Variants in TRDN observed in about 807,000 individuals in gnomAD.
The protein encoded by TRDN is triadin in skeletal muscle.
TRDN carries 161 observed loss-of-function variants against 149.7 expected under a neutral mutation model. The observed-to-expected ratio is 1.08, with a 90% CI of 0.95 to 1.23. TRDN has a LOEUF of 1.23. Among genes scored for constraint, TRDN ranks in the 50% most tolerant of loss-of-function variants. The pLI is 0.00. For missense variants in TRDN, 896 were observed against 823.5 expected (o/e 1.09, Z -1.08); for synonymous variants, 294 against 250.5 (o/e 1.17, Z -1.64).
intron 27 of TRDN, among the ~76,000 whole-genome samples, chr6:123,273,794 G>T (rs1474044425): frequency 2.0e-5 from 3 of 152,006 alleles, no homozygotes; most frequent in African/African-American, 7.2e-5. Context: ...ATCTTGCTAA[G>T]TAATCTTTTA....
chr6:123,480,249 C>CA (rs34445508), intron 9 of TRDN, among the ~76,000 whole-genome samples: 26,224 of 98,122 alleles, frequency 0.27, 3,318 homozygotes, highest in East Asian at 0.67. Context: ...ACTCCGTTTC[C>CA]AAAAAAAAAA....
Position 123,218,382 on chromosome 6 carries a change from C to T in TRDN, c.*219G>A. 2.2e-6 allele frequency: 1 copy of T among 460,788 alleles called. No individual in the cohort carries two copies. Among genetic ancestry groups the T allele is most frequent in the Non-Finnish European group, 3.8e-6 (1 of 260,560 alleles). 28.5% of individuals were successfully genotyped at this position (460,788 alleles called of 1,614,324 possible). A position where few individuals can be genotyped will look rare whatever the true frequency, so the allele number is the denominator to read the frequency against. ...TAAATACAAGCACCCCCTCCCACCG[C>T]AGCAAACACACATAACAGATTCTTG... On this transcript the variant is annotated 3_prime_UTR_variant, in exon 41 of 41. Transcript: ENST00000334268.
chr6:123,436,747 A>G (rs1366159876), intron 12 of TRDN, among the ~76,000 whole-genome samples: 3 of 152,032 alleles, frequency 2.0e-5, no homozygotes, highest in Non-Finnish European at 1.5e-5. Flanking sequence ...CTACCACCTC[A>G]TGTTCTGGGG....
intron 23 of TRDN, among the ~76,000 whole-genome samples, chr6:123,325,051 G>A (rs1779388786): frequency 1.3e-5 from 2 of 151,932 alleles, no homozygotes; most frequent in African/African-American, 2.4e-5. Context: ...CAGATTATCT[G>A]TAATCTTCCT....
rs189585681 is a variant in TRDN, at chr6:123,263,597, T to C, written c.1804+1721A>G. 7.2e-5 allele frequency among the ~76,000 whole-genome samples: 11 copies of C among 152,108 alleles called. No homozygotes were observed. In the East Asian group the frequency reaches 1.9e-3, roughly 27 times the overall value. On this transcript the variant is annotated intron_variant, in intron 33 of 40. Transcript: ENST00000334268. ...GTGAGCTATGATCCCCAAGCTGTAC[T>C]CCAGCCTGGTGACAGAGTGAGACCC...
At chr6:123,418,591 T>C (rs1773754568) in intron 12 of TRDN, 1 of 152,012 alleles carries the variant, frequency 6.6e-6, no homozygotes, top group Admixed American at 6.6e-5. Flanking sequence ...TGGAGGTAGG[T>C]GGCTACAAGA....
chr6:123,283,276 A>G (rs1368130272), intron 24 of TRDN, among the ~76,000 whole-genome samples: 1 of 151,970 alleles, frequency 6.6e-6, no homozygotes, highest in Non-Finnish European at 1.5e-5. Flanking sequence ...CAATGATAAT[A>G]GTGAAACAAG....
At chr6:123,233,480 A>G (rs1775682143) in intron 38 of TRDN, among the ~76,000 whole-genome samples, 1 of 152,118 alleles carries the variant, frequency 6.6e-6, no homozygotes, top group Admixed American at 6.6e-5. Context: ...TGTCTGTCCC[A>G]TCACTCCCAG....
At chr6:123,256,338 T>A (rs1237135651) in intron 35 of TRDN, among the ~76,000 whole-genome samples, 1 of 152,166 alleles carries the variant, frequency 6.6e-6, no homozygotes, top group East Asian at 1.9e-4. Flanking sequence ...CAGTCTATCA[T>A]TGATGGGCAT....
intron 1 of TRDN, among the ~76,000 whole-genome samples, chr6:123,572,948 G>C (rs866037565): frequency 1.7e-4 from 26 of 152,042 alleles, no homozygotes; most frequent in African/African-American, 5.8e-4. Context: ...AGTAGCTGTA[G>C]TTTCTTTTAG....
At chr6:123,543,729 C>T (rs1407005838) in intron 4 of TRDN, among the ~76,000 whole-genome samples, 1 of 151,900 alleles carries the variant, frequency 6.6e-6, no homozygotes, top group Non-Finnish European at 1.5e-5. Flanking sequence ...AATAAAGTTG[C>T]CATATCCCTT....
intron 12 of TRDN, among the ~76,000 whole-genome samples, chr6:123,415,836 G>A (rs1773626576): frequency 6.6e-6 from 1 of 152,016 alleles, no homozygotes; most frequent in African/African-American, 2.4e-5. Context: ...ATAACTACTG[G>A]GCTAAACTAA....
intron 9 of TRDN, among the ~76,000 whole-genome samples, chr6:123,494,342 A>G (rs1430288820): frequency 6.6e-6 from 1 of 151,842 alleles, no homozygotes; most frequent in Non-Finnish European, 1.5e-5. Context: ...TTCTAACCTT[A>G]CTCTGTTGTT....
intron 9 of TRDN, among the ~76,000 whole-genome samples, chr6:123,484,036 A>C (rs1777880504): frequency 1.3e-5 from 2 of 152,176 alleles, no homozygotes; most frequent in Admixed American, 1.3e-4. Flanking sequence ...AATAGTCTAT[A>C]ATCAGTACAA....
At chr6:123,288,954 T>C (rs1353992183) in intron 24 of TRDN, among the ~76,000 whole-genome samples, 1 of 151,414 alleles carries the variant, frequency 6.6e-6, no homozygotes, top group Non-Finnish European at 1.5e-5. Context: ...ATTTCAGCAT[T>C]ATTCACAGTA....
chr6:123,258,770 CTTTTG>C (rs1227204495), intron 35 of TRDN, among the ~76,000 whole-genome samples: 1 of 151,944 alleles, frequency 6.6e-6, no homozygotes, highest in Non-Finnish European at 1.5e-5. Context: ...TGGTCCTGGG[CTTTTG>C]TTTTGGTTGG....
intron 21 of TRDN, chr6:123,351,003 T>C (rs770032745): frequency 2.0e-6 from 2 of 984,418 alleles, no homozygotes; most frequent in Non-Finnish European, 2.4e-6. Context: ...GAAACAATGT[T>C]TTCAAATCAA....
intron 2 of TRDN, among the ~76,000 whole-genome samples, chr6:123,557,745 A>T (rs1158726101): frequency 6.6e-6 from 1 of 150,990 alleles, no homozygotes; most frequent in African/African-American, 2.4e-5. Context: ...GGGGGCAAGC[A>T]CCTCCAACCC....
intron 26 of TRDN, among the ~76,000 whole-genome samples, chr6:123,275,257 C>T (rs1162158813): frequency 6.6e-6 from 1 of 151,922 alleles, no homozygotes; most frequent in East Asian, 1.9e-4. Flanking sequence ...AAGATGAAGT[C>T]ATGCTAGAGA....
Sources: allele counts gnomAD v4.1 joint callset (sites outside exome capture counted in the v4.1 genomes callset), GRCh38; gene constraint gnomAD v4.1.1; transcripts MANE v1.5; gene names NCBI Gene and HGNC (gene_info 2026-07-23, HGNC 2026-07-21).